The following GRIK2 variants were observed in gnomAD, a reference collection of about 807,000 sequenced individuals.
GRIK2 encodes glutamate ionotropic receptor kainate type subunit 2.
GRIK2 carries 32 observed loss-of-function variants against 100.3 expected under a neutral mutation model. The ratio of observed to expected loss-of-function variants is 0.32; its 90% CI spans 0.24 to 0.43. The LOEUF is 0.43. GRIK2 is among the 20% of genes least tolerant of loss of function. The pLI is 1.00. For missense variants in GRIK2, 843 were observed against 1,114.9 expected (o/e 0.76, Z 3.47); for synonymous variants, 417 against 389.4 (o/e 1.07, Z -0.83).
intron 2 of GRIK2, among the ~76,000 whole-genome samples, chr6:101,551,183 A>G (rs1392714360): frequency 6.6e-6 from 1 of 152,056 alleles, no homozygotes; most frequent in Non-Finnish European, 1.5e-5. Flanking sequence ...AGAATATCAG[A>G]TTTTTTCTTT....
At chr6:101,973,730 A>G (rs1255002190) in intron 14 of GRIK2, among the ~76,000 whole-genome samples, 1 of 151,912 alleles carries the variant, frequency 6.6e-6, no homozygotes, top group Non-Finnish European at 1.5e-5. Context: ...AAATCATCCA[A>G]TCATCAGTGT....
At chr6:101,593,597 C>T (rs1778779131) in intron 2 of GRIK2, among the ~76,000 whole-genome samples, 1 of 151,780 alleles carries the variant, frequency 6.6e-6, no homozygotes, top group Non-Finnish European at 1.5e-5. Flanking sequence ...TCTATTTTTA[C>T]AGAGCCTAAA....
chr6:101,891,289 C>G (rs370862942), intron 12 of GRIK2, among the ~76,000 whole-genome samples: 1 of 151,606 alleles, frequency 6.6e-6, no homozygotes, highest in Non-Finnish European at 1.5e-5. Context: ...GAGGCCAAGG[C>G]GGGCGGATCA....
intron 13 of GRIK2, among the ~76,000 whole-genome samples, chr6:101,927,127 A>G (rs1398993181): frequency 6.6e-6 from 1 of 152,052 alleles, no homozygotes; most frequent in Admixed American, 6.6e-5. Flanking sequence ...GTTGGCTGTC[A>G]TGTCCAAGTT....
chr6:101,674,230 A>G (rs73761395), intron 4 of GRIK2, among the ~76,000 whole-genome samples: 2,691 of 152,250 alleles, frequency 0.018, 72 homozygotes, highest in African/African-American at 0.059. Flanking sequence ...TCATTCTTTT[A>G]TGACCAAGAA....
intron 11 of GRIK2, among the ~76,000 whole-genome samples, chr6:101,886,293 A>T (rs1439241083): frequency 6.6e-6 from 1 of 152,158 alleles, no homozygotes; most frequent in South Asian, 2.1e-4. Flanking sequence ...TTATAAATGA[A>T]TAATACTATT....
intron 4 of GRIK2, among the ~76,000 whole-genome samples, chr6:101,676,297 C>T (rs910281923): frequency 1.3e-5 from 2 of 152,028 alleles, no homozygotes; most frequent in African/African-American, 2.4e-5. Flanking sequence ...AACTTTTAGT[C>T]ATGTGTTTCT....
intron 4 of GRIK2, among the ~76,000 whole-genome samples, chr6:101,633,328 G>A (rs567958004): frequency 1.3e-5 from 2 of 152,066 alleles, no homozygotes; most frequent in South Asian, 2.1e-4. Context: ...GACTATTGTG[G>A]TTACTACGGT....
intron 4 of GRIK2, among the ~76,000 whole-genome samples, chr6:101,645,170 A>T (rs1419752970): frequency 6.6e-6 from 1 of 151,820 alleles, no homozygotes. Flanking sequence ...GAAGAAAAAA[A>T]AAAAAACTAA....
chr6:102,048,306 T>G (rs1771005136), intron 15 of GRIK2, among the ~76,000 whole-genome samples: 1 of 151,918 alleles, frequency 6.6e-6, no homozygotes, highest in Non-Finnish European at 1.5e-5. Flanking sequence ...TGGGCAATAT[T>G]TTTTTAGATT....
chr6:101,728,397 A>AT (rs1775022220), intron 7 of GRIK2, among the ~76,000 whole-genome samples: 1 of 152,132 alleles, frequency 6.6e-6, no homozygotes, highest in African/African-American at 2.4e-5. Context: ...TCCGTTTGAT[A>AT]CAAGAGAAAA....
intron 15 of GRIK2, among the ~76,000 whole-genome samples, chr6:102,038,372 C>A (rs570556862): frequency 6.6e-6 from 1 of 151,432 alleles, no homozygotes; most frequent in African/African-American, 2.4e-5. Flanking sequence ...GAGTGAGACT[C>A]ATATATTACT....
chr6:101,734,866 A>G (rs1272348403), intron 7 of GRIK2, among the ~76,000 whole-genome samples: 1 of 152,186 alleles, frequency 6.6e-6, no homozygotes, highest in Non-Finnish European at 1.5e-5. Context: ...TGTAGTTAGA[A>G]ATTGTGGTTT....
At chr6:101,466,592 T>C (rs1218328116) in intron 2 of GRIK2, among the ~76,000 whole-genome samples, 1 of 138,306 alleles carries the variant, frequency 7.2e-6, no homozygotes, top group Non-Finnish European at 1.6e-5. Flanking sequence ...GCTGCTTTTT[T>C]CTAAAAAAAA....
At chr6:101,504,242 A>G (rs1773910963) in intron 2 of GRIK2, among the ~76,000 whole-genome samples, 1 of 152,146 alleles carries the variant, frequency 6.6e-6, no homozygotes, top group Non-Finnish European at 1.5e-5. Flanking sequence ...TCGTATGTTT[A>G]AACAGGGATA....
At chr6:101,625,957 A>G (rs1780415326) in intron 3 of GRIK2, among the ~76,000 whole-genome samples, 1 of 152,170 alleles carries the variant, frequency 6.6e-6, no homozygotes, top group South Asian at 2.1e-4. Context: ...AGCTAATTGC[A>G]CGAGTAAAGG....
chr6:101,988,172 A>C (rs900528017), intron 14 of GRIK2, among the ~76,000 whole-genome samples: 2 of 144,280 alleles, frequency 1.4e-5, no homozygotes, highest in African/African-American at 5.1e-5. Context: ...CACATGCAAG[A>C]GCATTCTCAT....
At chr6:101,585,542 A>G (rs1778319483) in intron 2 of GRIK2, among the ~76,000 whole-genome samples, 2 of 152,232 alleles carry the variant, frequency 1.3e-5, no homozygotes, top group South Asian at 4.1e-4. Context: ...GTAGCACAAC[A>G]TAATGAGGTA....
intron 12 of GRIK2, among the ~76,000 whole-genome samples, chr6:101,909,751 TACAG>T (rs1319312264): frequency 1.3e-5 from 2 of 151,122 alleles, no homozygotes; most frequent in East Asian, 1.9e-4. Context: ...TATACACACA[TACAG>T]ATATATATGC....
Sources: allele counts gnomAD v4.1 joint callset (sites outside exome capture counted in the v4.1 genomes callset), GRCh38; gene constraint gnomAD v4.1.1; transcripts MANE v1.5; gene names NCBI Gene and HGNC (gene_info 2026-07-23, HGNC 2026-07-21).